Variants in SAMD5 observed in about 807,000 individuals in gnomAD.
SAMD5 encodes sterile alpha motif domain containing 5.
SAMD5 carries 13 observed loss-of-function variants against 11.3 expected under a neutral mutation model. The ratio of observed to expected loss-of-function variants is 1.15; its 90% CI spans 0.75 to 1.83. The LOEUF (loss-of-function observed/expected upper bound fraction) is 1.83, where lower values mean the gene tolerates loss of function less well. Among genes scored for constraint, SAMD5 ranks in the 40% most tolerant of loss-of-function variants. SAMD5 has a pLI of 0.00. For missense variants in SAMD5, 255 were observed against 239.1 expected, an observed-to-expected ratio of 1.07 and a Z score of -0.44; for synonymous variants, 129 against 111.3, an observed-to-expected ratio of 1.16 and a Z score of -1.00.
At chr6:147,535,528 T>C (rs1308772590) in intron 1 of SAMD5, among the ~76,000 whole-genome samples, 1 of 152,238 alleles carries the variant, frequency 6.6e-6, no homozygotes, top group African/African-American at 2.4e-5. Flanking sequence ...TTTTTTTCTT[T>C]AGTCCCCATT....
At chr6:147,607,559 G>A (rs1436141850) in intron 1 of SAMD5, among the ~76,000 whole-genome samples, 5 of 152,046 alleles carry the variant, frequency 3.3e-5, no homozygotes, top group Admixed American at 3.3e-4. Context: ...TGATAAAGGT[G>A]CCAAGGATAT....
At chr6:147,883,514 G>T in the SAMD5 span, among the ~76,000 whole-genome samples, 49,676 of 152,000 alleles carry the variant, frequency 0.33, 8,383 homozygotes, top group Non-Finnish European at 0.37. Context: ...TCAGAGTTTA[G>T]TGTATTTTTC....
intron 1 of SAMD5, among the ~76,000 whole-genome samples, chr6:147,717,958 G>T (rs914482468): frequency 1.4e-4 from 22 of 152,198 alleles, no homozygotes; most frequent in African/African-American, 5.3e-4. Context: ...TGGAAGATAT[G>T]AAATTAAAAC....
chr6:147,944,257 T>C, the SAMD5 span, among the ~76,000 whole-genome samples: 1 of 152,208 alleles, frequency 6.6e-6, no homozygotes, highest in Non-Finnish European at 1.5e-5. Context: ...TGCTGATACA[T>C]ACCTGAGACT....
the SAMD5 span, among the ~76,000 whole-genome samples, chr6:147,927,319 T>A: frequency 6.6e-6 from 1 of 152,350 alleles, no homozygotes; most frequent in Non-Finnish European, 1.5e-5. Context: ...TCCATTTGTT[T>A]GTATCAGTTC....
At chr6:147,538,719 T>C (rs1257946336) in intron 1 of SAMD5, among the ~76,000 whole-genome samples, 1 of 152,208 alleles carries the variant, frequency 6.6e-6, no homozygotes, top group East Asian at 1.9e-4. Context: ...ACTTTGACCT[T>C]AAAGCATTTA....
At chr6:147,762,231 G>A in the SAMD5 span, among the ~76,000 whole-genome samples, 1 of 151,618 alleles carries the variant, frequency 6.6e-6, no homozygotes, top group Admixed American at 6.6e-5. Flanking sequence ...TTGGAGACAC[G>A]GTCTCACTCT....
the SAMD5 span, among the ~76,000 whole-genome samples, chr6:147,938,404 G>C: frequency 1.3e-5 from 2 of 152,194 alleles, no homozygotes; most frequent in Non-Finnish European, 2.9e-5. Flanking sequence ...TAATCTATCA[G>C]ACAAGGGATG....
the SAMD5 span, among the ~76,000 whole-genome samples, chr6:147,902,438 A>G: frequency 6.6e-6 from 1 of 152,186 alleles, no homozygotes; most frequent in East Asian, 1.9e-4. Context: ...CCAGGAACAC[A>G]TGGTAATGAA....
At chr6:147,649,546 C>T (rs573000080) in intron 1 of SAMD5, among the ~76,000 whole-genome samples, 1 of 152,276 alleles carries the variant, frequency 6.6e-6, no homozygotes, top group East Asian at 1.9e-4. Context: ...AATCCCAGCA[C>T]TTTGGGAAGC....
Position 147,567,945 on chromosome 6 carries a change from C to G in SAMD5, c.*3489C>G, listed in dbSNP as rs1461391220. ...CAAAACAAAACAAAACAAAACAAAA[C>G]AGCAAATTCATAAAGGCCAGCAGTT... is the stretch of plus-strand genomic sequence containing the variant. On this transcript the variant is annotated 3_prime_UTR_variant, in exon 2 of 2. Transcript: ENST00000367474. 1.0e-6 allele frequency: 1 copy of G among 985,884 alleles called. No individual in the cohort carries two copies. Among genetic ancestry groups the G allele is most frequent in the Non-Finnish European group, 1.2e-6 (1 of 830,442 alleles). 61.1% of individuals were successfully genotyped at this position (985,884 alleles called of 1,614,324 possible).
chr6:147,628,863 C>A (rs756991025), intron 1 of SAMD5, among the ~76,000 whole-genome samples: 3 of 152,028 alleles, frequency 2.0e-5, no homozygotes, highest in Non-Finnish European at 2.9e-5. Context: ...AATAGCCATA[C>A]CCAAAGAGTG....
At chr6:147,896,435 C>T in the SAMD5 span, among the ~76,000 whole-genome samples, 1 of 151,936 alleles carries the variant, frequency 6.6e-6, no homozygotes, top group Non-Finnish European at 1.5e-5. Context: ...AAGGAAGCTT[C>T]CTTGGTGCTA....
the SAMD5 span, among the ~76,000 whole-genome samples, chr6:147,844,409 T>G: frequency 1.3e-5 from 2 of 152,130 alleles, no homozygotes; most frequent in Non-Finnish European, 2.9e-5. Context: ...TAAATTAGTA[T>G]AGCCATTTTG....
chr6:147,837,703 T>C, the SAMD5 span, among the ~76,000 whole-genome samples: 3 of 152,220 alleles, frequency 2.0e-5, no homozygotes, highest in South Asian at 6.2e-4. Flanking sequence ...TTAAATACCA[T>C]GGAGTGTCAG....
At position 147,568,863 on chromosome 6, in the gene SAMD5, T is replaced by C. The variant is rs767317380; in HGVS notation, c.*4407T>C. On this transcript the variant is annotated 3_prime_UTR_variant, in exon 2 of 2. Transcript: ENST00000367474. ...TAAAATCAAATAACTTTCTAGTCCATGATCATTAATCCCTACTATTTTAGA... is the reference window on the plus strand; with the variant it reads ...TAAAATCAAATAACTTTCTAGTCCACGATCATTAATCCCTACTATTTTAGA... 1.1e-4 allele frequency: 108 copies of C among 955,828 alleles called. No individual in the cohort carries two copies. Among genetic ancestry groups the C allele is most frequent in the Non-Finnish European group, 1.3e-4 (101 of 803,172 alleles). The allele number at this position is 955,828 out of a possible 1,614,324, so 59.2% of individuals were successfully genotyped here.
At chr6:147,782,683 A>G in the SAMD5 span, among the ~76,000 whole-genome samples, 2 of 152,216 alleles carry the variant, frequency 1.3e-5, no homozygotes, top group Non-Finnish European at 2.9e-5. Context: ...AGAGAGCAAA[A>G]GCTTTGTTTA....
At chr6:147,751,984 T>C in the SAMD5 span, among the ~76,000 whole-genome samples, 1 of 152,318 alleles carries the variant, frequency 6.6e-6, no homozygotes, top group Non-Finnish European at 1.5e-5. Context: ...CAATTGATTA[T>C]ATCTCATTGT....
At chr6:147,560,892 C>T (rs199519186) in intron 1 of SAMD5, among the ~76,000 whole-genome samples, 1 of 152,142 alleles carries the variant, frequency 6.6e-6, no homozygotes, top group East Asian at 1.9e-4. Flanking sequence ...ACAAATGAAA[C>T]TGAGAAAGTC....
Sources: allele counts gnomAD v4.1 joint callset (sites outside exome capture counted in the v4.1 genomes callset), GRCh38; gene constraint gnomAD v4.1.1; transcripts MANE v1.5; gene names NCBI Gene and HGNC (gene_info 2026-07-23, HGNC 2026-07-21).